The following ZC3H7A variants were observed in gnomAD, a reference collection of about 807,000 sequenced individuals.
ZC3H7A encodes the protein zinc finger CCCH-type containing 7A.
A neutral mutation model predicts 125.5 loss-of-function variants in ZC3H7A; 44 were observed. The observed-to-expected ratio is 0.35, with a 90% confidence interval of 0.28 to 0.45. ZC3H7A has a LOEUF of 0.45. Ranked by LOEUF, ZC3H7A falls within the 20% of genes least tolerant of loss-of-function variation. The pLI is 1.00. For synonymous variants in ZC3H7A, 399 were observed against 391.2 expected (o/e 1.02, Z -0.23); for missense variants, 977 against 1,170.7 (o/e 0.83, Z 2.41).
intron 21 of ZC3H7A, 139 bp from the exon 22 acceptor site, chr16:11,752,971 G>A (rs1442859929): frequency 8.9e-6 from 9 of 1,011,602 alleles, no homozygotes; most frequent in African/African-American, 3.2e-5. Context: ...AAGGACCACA[G>A]CATGGGGAAG....
Position 11,758,415 on chromosome 16 carries a change from TA to T in ZC3H7A, c.2428+15del. The T allele has an allele frequency of 1.9e-6, 3 of 1,586,604 alleles. No homozygotes were observed. The highest frequency in any genetic ancestry group is 1.7e-6 in the Non-Finnish European group (2 of 1,155,236). ...AGGCAAGCTAGCTCAAGGACACAGCTAAAAGATTAACTTACTCCCATTCTCC... is the reference window on the plus strand; with the variant it reads ...AGGCAAGCTAGCTCAAGGACACAGCTAAAGATTAACTTACTCCCATTCTCC... On this transcript the variant is annotated intron_variant, in intron 20 of 22. Transcript: ENST00000355758.
In ZC3H7A at chr16:11,756,754, C is replaced by G. The variant is rs571358859; in HGVS notation, c.2429-384G>C. 2.6e-5 allele frequency among the ~76,000 whole-genome samples: 4 copies of G among 152,336 alleles called. No individual in the cohort carries two copies. In the East Asian group the frequency reaches 7.7e-4, roughly 29 times the overall value. On this transcript the variant is annotated intron_variant, in intron 20 of 22. Coordinates refer to ENST00000355758, the MANE Select transcript of ZC3H7A (RefSeq NM_014153.4). ...AGCTAGAACCACACAAGGCTACTTA[C>G]GTGGCTTGGGGGACTTGGAGCTGAT...
intron 12 of ZC3H7A, 88 bp downstream of exon 12, chr16:11,768,227 T>A: frequency 8.1e-7 from 1 of 1,239,912 alleles, no homozygotes; most frequent in African/African-American, 1.5e-5. Context: ...ATAACTGATG[T>A]TGTTAACATG....
intron 11 of ZC3H7A, 55 bp downstream of exon 11, chr16:11,768,976 A>C: frequency 6.6e-7 from 1 of 1,518,876 alleles, no homozygotes; most frequent in East Asian, 2.3e-5. Flanking sequence ...TCGGTTACTT[A>C]AGTAACTATT....
intron 1 of ZC3H7A, among the ~76,000 whole-genome samples, chr16:11,785,086 A>G (rs2053236379): frequency 6.6e-6 from 1 of 152,126 alleles, no homozygotes; most frequent in African/African-American, 2.4e-5. Context: ...TCAACCCGGG[A>G]GGCGGAGGTT....
intron 1 of ZC3H7A, among the ~76,000 whole-genome samples, chr16:11,794,646 C>A (rs923132535): frequency 6.6e-6 from 1 of 152,160 alleles, no homozygotes; most frequent in South Asian, 2.1e-4. Context: ...GTATCTGTGG[C>A]AACAGGATAC....
intron 7 of ZC3H7A, among the ~76,000 whole-genome samples, chr16:11,775,372 G>GAA (rs749691344): frequency 1.6e-5 from 2 of 126,998 alleles, no homozygotes; most frequent in Admixed American, 8.2e-5. Flanking sequence ...CTCTGTCTTG[G>GAA]AAAAAAAAAA....
intron 1 of ZC3H7A, among the ~76,000 whole-genome samples, chr16:11,788,247 G>A (rs2053289286): frequency 6.6e-6 from 1 of 151,850 alleles, no homozygotes; most frequent in Admixed American, 6.6e-5. Context: ...GCAAGCTGAG[G>A]CTCCATCTCC....
At chr16:11,785,813 G>T (rs746234277) in intron 1 of ZC3H7A, among the ~76,000 whole-genome samples, 40 of 152,124 alleles carry the variant, frequency 2.6e-4, no homozygotes, top group Non-Finnish European at 2.9e-5. Flanking sequence ...TAGAGATAGG[G>T]TTTCACCGCG....
At chr16:11,790,385 C>A (rs777319403) in intron 1 of ZC3H7A, among the ~76,000 whole-genome samples, 2 of 152,202 alleles carry the variant, frequency 1.3e-5, no homozygotes, top group Non-Finnish European at 1.5e-5. Context: ...ATACCCTCTG[C>A]TCATTTTTCT....
chr16:11,780,127 C>CT (rs71406291), intron 3 of ZC3H7A, among the ~76,000 whole-genome samples: 33,451 of 141,350 alleles, frequency 0.24, 4,824 homozygotes, highest in African/African-American at 0.41. Flanking sequence ...TTTTTCTTTT[C>CT]TTTTTTTTTT....
chr16:11,755,711 T>A (rs1196378751), intron 21 of ZC3H7A, among the ~76,000 whole-genome samples: 4 of 152,142 alleles, frequency 2.6e-5, no homozygotes, highest in African/African-American at 9.7e-5. Flanking sequence ...GACTTGGACT[T>A]ATGATTCTCT....
chr16:11,761,725 A>C (rs1388814714), intron 18 of ZC3H7A, 185 bp downstream of exon 18: 1 of 901,640 alleles, frequency 1.1e-6, no homozygotes, highest in African/African-American at 1.7e-5. Flanking sequence ...CAGGAAAAAA[A>C]CACTACTTGT....
At chr16:11,751,921 T>G (rs2052559012) in intron 22 of ZC3H7A, among the ~76,000 whole-genome samples, 2 of 150,996 alleles carry the variant, frequency 1.3e-5, no homozygotes, top group East Asian at 3.9e-4. Flanking sequence ...TTTTTTTTTT[T>G]GAGACAGAGT....
chr16:11,762,611 C>T (rs2052770993), intron 17 of ZC3H7A, 60 bp downstream of exon 17: 12 of 1,510,922 alleles, frequency 7.9e-6, no homozygotes, highest in Non-Finnish European at 1.1e-5. Flanking sequence ...CAACAACCAA[C>T]ATCTATTACG....
chr16:11,796,941 C>G (rs1032194571), intron 1 of ZC3H7A, 183 bp downstream of exon 1: 1 of 150,396 alleles, frequency 6.6e-6, no homozygotes, highest in Non-Finnish European at 1.5e-5. Context: ...CGCACAGGCC[C>G]CGGCCCGGCT....
intron 1 of ZC3H7A, among the ~76,000 whole-genome samples, chr16:11,785,962 A>G (rs1371402564): frequency 2.0e-5 from 3 of 152,040 alleles, no homozygotes; most frequent in Non-Finnish European, 2.9e-5. Context: ...ATATATTGAC[A>G]TATGCTTGTG....
rs151231265 is a variant in ZC3H7A, at chr16:11,794,781, C to T, written c.-35+2343G>A. Among the ~76,000 whole-genome samples, 483 of 152,284 alleles carry T rather than the reference C, an allele frequency of 3.2e-3. 2 individuals are homozygous for T. Among genetic ancestry groups the T allele is most frequent in the African/African-American group, 0.01 (435 of 41,560 alleles). On this transcript the variant is annotated intron_variant, in intron 1 of 22. Transcript: ENST00000355758. Reference sequence around the variant, plus strand: ...CTTCCACTTACAATGACAATTTAACCCACCCCAACTGGCAGGTTTTAAAAT... The same window carrying T: ...CTTCCACTTACAATGACAATTTAACTCACCCCAACTGGCAGGTTTTAAAAT...
chr16:11,763,231 C>A, intron 16 of ZC3H7A: 1 of 309,682 alleles, frequency 3.2e-6, no homozygotes, highest in Non-Finnish European at 6.0e-6. Context: ...CCTCAGCCTC[C>A]CAAGTAGCTG....
Sources: allele counts gnomAD v4.1 joint callset (sites outside exome capture counted in the v4.1 genomes callset), GRCh38; gene constraint gnomAD v4.1.1; transcripts MANE v1.5; gene names NCBI Gene and HGNC (gene_info 2026-07-23, HGNC 2026-07-21).